EFNA5: variants seen among roughly 807,000 people sequenced by gnomAD.
EFNA5 encodes the protein ephrin A5, also known as ephrin-A5.
In EFNA5, 5 loss-of-function variants were observed where a neutral mutation model predicts 22.9. That is an observed-to-expected ratio of 0.22 (90% confidence interval 0.11 to 0.46). EFNA5 has a LOEUF of 0.46. EFNA5 is among the 20% of genes least tolerant of loss of function. The pLI, the probability that EFNA5 is intolerant of heterozygous loss-of-function variation, is 0.99. For synonymous variants in EFNA5, 113 were observed against 112.2 expected, an observed-to-expected ratio of 1.01 and a Z score of -0.04; for missense variants, 237 against 293.3, an observed-to-expected ratio of 0.81 and a Z score of 1.40.
At chr5:107,451,023 C>T (rs1749546275) in intron 1 of EFNA5, among the ~76,000 whole-genome samples, 1 of 152,190 alleles carries the variant, frequency 6.6e-6, no homozygotes, top group Admixed American at 6.5e-5. Context: ...TCTAGAGGAC[C>T]ACACTATTCT....
At chr5:107,617,815 G>A (rs542942154) in intron 1 of EFNA5, among the ~76,000 whole-genome samples, 1 of 152,208 alleles carries the variant, frequency 6.6e-6, no homozygotes, top group East Asian at 1.9e-4. Flanking sequence ...TTGCCTGATA[G>A]GAGGGCATCT....
chr5:107,554,724 T>G (rs1258570499), intron 1 of EFNA5, among the ~76,000 whole-genome samples: 2 of 152,204 alleles, frequency 1.3e-5, no homozygotes, highest in East Asian at 1.9e-4. Flanking sequence ...TGAGATCAAC[T>G]TCACTATCAG....
chr5:107,545,810 C>G (rs781222453), intron 1 of EFNA5, among the ~76,000 whole-genome samples: 1 of 152,168 alleles, frequency 6.6e-6, no homozygotes, highest in Admixed American at 6.5e-5. Flanking sequence ...AAAAGCAACT[C>G]AAACTTTTGG....
chr5:107,580,916 C>CA (rs1342365538), intron 1 of EFNA5, among the ~76,000 whole-genome samples: 1 of 151,946 alleles, frequency 6.6e-6, no homozygotes, highest in African/African-American at 2.4e-5. Flanking sequence ...CAGCATGTTC[C>CA]AAAAAAACGA....
Position 107,563,903 on chromosome 5 carries a change from C to T in EFNA5, c.125+106586G>A, listed in dbSNP as rs631326. Among the ~76,000 whole-genome samples, 1,200 of 152,286 alleles carry T rather than the reference C, an allele frequency of 7.9e-3. 14 individuals carry two copies. Among genetic ancestry groups the T allele is most frequent in the African/African-American group, 0.027 (1,134 of 41,546 alleles). On this transcript the variant is annotated intron_variant, in intron 1 of 4. Transcript: ENST00000333274. The stretch of plus-strand genomic sequence containing the variant: ...ATTCTCAATTCTTTGCAGTCTTGTT[C>T]GCAAGTCATCAGAACCCTCCCTCTA...
At chr5:107,442,278 G>A (rs1749277330) in intron 1 of EFNA5, among the ~76,000 whole-genome samples, 1 of 152,026 alleles carries the variant, frequency 6.6e-6, no homozygotes, top group Non-Finnish European at 1.5e-5. Flanking sequence ...TAAAGTTTGA[G>A]CCATCATCTT....
intron 1 of EFNA5, among the ~76,000 whole-genome samples, chr5:107,447,598 C>T (rs1356851017): frequency 6.6e-6 from 1 of 152,084 alleles, no homozygotes; most frequent in Admixed American, 6.6e-5. Context: ...GAAACGTCTA[C>T]CAAATGCTGT....
In EFNA5 at chr5:107,476,058, T is replaced by TATATATATATGTATATATATATATA; in HGVS notation, c.126-48550_126-48549insTATATATATATATACATATATATAT. Among the ~76,000 whole-genome samples the TATATATATATGTATATATATATATA allele has an allele frequency of 3.4e-4, 14 of 41,114 alleles. 2 individuals carry two copies. Among genetic ancestry groups the TATATATATATGTATATATATATATA allele is most frequent in the African/African-American group, 2.5e-3 (13 of 5,202 alleles). The allele number at this position is 41,114 out of a possible 152,430, so 27.0% of individuals were successfully genotyped here. On this transcript the variant is annotated intron_variant, in intron 1 of 4. Transcript: ENST00000333274. Reference sequence around the variant, plus strand: ...GAGAGTTTTTAAACTATATATATATTTTTTTTTTTTGAGACAGAGTCTTGC... The same window carrying TATATATATATGTATATATATATATA: ...GAGAGTTTTTAAACTATATATATATTATATATATATGTATATATATATATATTTTTTTTTTGAGACAGAGTCTTGC...
intron 1 of EFNA5, among the ~76,000 whole-genome samples, chr5:107,653,974 G>C (rs888800349): frequency 6.6e-6 from 1 of 152,214 alleles, no homozygotes; most frequent in Non-Finnish European, 1.5e-5. Flanking sequence ...CAGGTCTTAT[G>C]TATACTATTA....
intron 1 of EFNA5, among the ~76,000 whole-genome samples, chr5:107,479,692 G>C (rs574399682): frequency 1.3e-5 from 2 of 152,076 alleles, no homozygotes; most frequent in African/African-American, 2.4e-5. Flanking sequence ...TAAAACAAAA[G>C]AATAATATAT....
chr5:107,640,968 G>A (rs12522249), intron 1 of EFNA5, among the ~76,000 whole-genome samples: 10,199 of 146,864 alleles, frequency 0.069, 522 homozygotes, highest in Non-Finnish European at 0.1. Flanking sequence ...AGGTAGGTAG[G>A]TAGGCAGGTA....
chr5:107,464,469 G>C (rs1199591773), intron 1 of EFNA5, among the ~76,000 whole-genome samples: 1 of 152,142 alleles, frequency 6.6e-6, no homozygotes, highest in African/African-American at 2.4e-5. Flanking sequence ...CATCCTCGGG[G>C]AGCAAAGGGG....
intron 1 of EFNA5, among the ~76,000 whole-genome samples, chr5:107,482,870 C>CTATATATATATATATATA (rs72399506): frequency 1.7e-5 from 1 of 59,114 alleles, no homozygotes; most frequent in Admixed American, 1.7e-4. Flanking sequence ...CTCTCTCTCT[C>CTATATATATATATATATA]TATATATATA....
chr5:107,564,900 A>G (rs1190177285), intron 1 of EFNA5, among the ~76,000 whole-genome samples: 1 of 152,168 alleles, frequency 6.6e-6, no homozygotes, highest in Non-Finnish European at 1.5e-5. Context: ...CCAACTTTTC[A>G]TTCTTAGTAA....
intron 1 of EFNA5, among the ~76,000 whole-genome samples, chr5:107,619,031 C>T (rs1460783256): frequency 3.9e-5 from 6 of 151,946 alleles, no homozygotes; most frequent in Non-Finnish European, 7.4e-5. Flanking sequence ...ATGCCATTCT[C>T]CTGCCTCAGC....
chr5:107,441,223 T>G (rs761564321), intron 1 of EFNA5, among the ~76,000 whole-genome samples: 8 of 152,222 alleles, frequency 5.3e-5, no homozygotes, highest in Non-Finnish European at 1.2e-4. Context: ...CCCTAAGTCA[T>G]GGTCACTGAA....
intron 1 of EFNA5, among the ~76,000 whole-genome samples, chr5:107,604,313 G>A (rs571586785): frequency 6.6e-6 from 1 of 152,054 alleles, no homozygotes; most frequent in East Asian, 1.9e-4. Context: ...CCGAGTAGCT[G>A]GGACCATGTA....
intron 1 of EFNA5, among the ~76,000 whole-genome samples, chr5:107,665,355 GA>G (rs1277207318): frequency 1.3e-5 from 2 of 152,194 alleles, no homozygotes; most frequent in Non-Finnish European, 2.9e-5. Context: ...TAAATGGCAA[GA>G]AATTCACAAG....
At chr5:107,517,635 G>A (rs553657165) in intron 1 of EFNA5, among the ~76,000 whole-genome samples, 4 of 152,272 alleles carry the variant, frequency 2.6e-5, no homozygotes, top group Admixed American at 1.3e-4. Flanking sequence ...GGGAAACAAC[G>A]TCAAACAAAT....
Sources: allele counts gnomAD v4.1 joint callset (sites outside exome capture counted in the v4.1 genomes callset), GRCh38; gene constraint gnomAD v4.1.1; transcripts MANE v1.5; gene names NCBI Gene and HGNC (gene_info 2026-07-23, HGNC 2026-07-21).